The following FSHR variants were observed in gnomAD, a reference collection of about 807,000 sequenced individuals.
FSHR encodes follicle stimulating hormone receptor, also known as follicle-stimulating hormone receptor.
Under a neutral mutation model 52.1 loss-of-function variants are expected in FSHR, and 46 were observed. The observed-to-expected ratio is 0.88, with a 90% CI of 0.70 to 1.13. FSHR has a LOEUF of 1.13. Ranked by LOEUF, FSHR falls within the 50% of genes most tolerant of loss-of-function variation. FSHR has a pLI of 0.00. For synonymous variants in FSHR, 399 were observed against 309.6 expected (o/e 1.29, Z -3.03); for missense variants, 964 against 834.6 (o/e 1.16, Z -1.91).
At chr2:49,091,691 T>G (rs185387826) in intron 1 of FSHR, among the ~76,000 whole-genome samples, 1 of 152,240 alleles carries the variant, frequency 6.6e-6, no homozygotes, top group African/African-American at 2.4e-5. Context: ...TGTCAAAAAT[T>G]AATTAGCTAT....
intron 2 of FSHR, among the ~76,000 whole-genome samples, chr2:49,046,456 T>C (rs1283956723): frequency 6.6e-6 from 1 of 152,228 alleles, no homozygotes; most frequent in Non-Finnish European, 1.5e-5. Context: ...GCAAGTCACA[T>C]AACCACTTTG....
chr2:49,034,363 G>C (rs978847469), intron 2 of FSHR, among the ~76,000 whole-genome samples: 3 of 152,180 alleles, frequency 2.0e-5, no homozygotes, highest in African/African-American at 4.8e-5. Flanking sequence ...GATCAGCAAA[G>C]AATGTGGTTA....
intron 1 of FSHR, among the ~76,000 whole-genome samples, chr2:49,125,332 C>CA (rs1350001748): frequency 6.6e-6 from 1 of 151,890 alleles, no homozygotes; most frequent in Non-Finnish European, 1.5e-5. Context: ...AAAAAAATCA[C>CA]AAAAAAATCT....
rs763262835 is a variant in FSHR at position 48,963,776 on chromosome 2, T to A, written c.1045A>T (p.Lys349Ter). 1 of 1,614,132 alleles carries A rather than the reference T, an allele frequency of 6.2e-7. No homozygotes were observed. The change falls in exon 10 of 10, where the codon AAG becomes TAG. Residue 349 changes from lysine to a stop codon, truncating the protein, a stop_gained. Coordinates refer to ENST00000406846, the MANE Select transcript of FSHR (RefSeq NM_000145.4). LOFTEE classifies it high-confidence loss of function. ...TCACATGGGTTGAATGCATCTGGCT[T>A]AGGGGAGCAGGTCACGTCAACCACT... ...NEVVDVTCSP[K>*]PDAFNPCEDI...
chr2:49,113,489 C>T lies in FSHR; in HGVS notation c.152+40777G>A, dbSNP rs76989051. ...CTAGGAAGCTGTGCATTTGCACAGT[C>T]AAGAAGAGAGCTAAGGTTAGCTCAG... On this transcript the variant is annotated intron_variant, in intron 1 of 9. Transcript: ENST00000406846. Among the ~76,000 whole-genome samples, 649 of 152,288 alleles carry T rather than the reference C, an allele frequency of 4.3e-3. 3 individuals are homozygous for T. The highest frequency in any genetic ancestry group is 0.014 in the African/African-American group (592 of 41,546).
intron 2 of FSHR, among the ~76,000 whole-genome samples, chr2:49,042,265 A>G (rs1272383234): frequency 1.3e-5 from 2 of 152,182 alleles, no homozygotes; most frequent in Non-Finnish European, 2.9e-5. Context: ...TAGTTCTGGG[A>G]CATTAAACCT....
intron 2 of FSHR, among the ~76,000 whole-genome samples, chr2:49,024,041 A>T (rs1008259070): frequency 6.6e-6 from 1 of 152,154 alleles, no homozygotes; most frequent in Admixed American, 6.5e-5. Flanking sequence ...TTACAGAGTC[A>T]TATTAATTTG....
At chr2:49,113,965 T>A (rs2103760553) in intron 1 of FSHR, among the ~76,000 whole-genome samples, 1 of 152,270 alleles carries the variant, frequency 6.6e-6, no homozygotes, top group South Asian at 2.1e-4. Context: ...CATGGAATAA[T>A]CAAGGCTTAG....
chr2:49,018,050 A>T (rs1363537553), intron 3 of FSHR, among the ~76,000 whole-genome samples: 8 of 152,206 alleles, frequency 5.3e-5, no homozygotes, highest in African/African-American at 1.9e-4. Context: ...GGAAGGAAAA[A>T]GTGAGGGGCA....
chr2:49,154,301 C>A lies in FSHR; in HGVS notation c.117G>T (p.Glu39Asp). 9 of 1,613,938 alleles carry A rather than the reference C, an allele frequency of 5.6e-6. No individual in the cohort carries two copies. The highest frequency in any genetic ancestry group is 7.6e-6 in the Non-Finnish European group (9 of 1,179,920). ...VFLCQESKVT[E>D]IPSDLPRNAI... ...CATTCCTCGGGAGGTCAGAAGGAAT[C>A]TCTGTCACCTTGCTCTCTTGGCAGA... The change falls in exon 1 of 10, where the codon GAG (glutamate) becomes GAT (aspartate). Residue 39 changes from glutamate (E) to aspartate (D), a missense_variant. By Grantham distance (45) the Glu-to-Asp change is conservative (BLOSUM62 2). Transcript: ENST00000406846.
intron 1 of FSHR, among the ~76,000 whole-genome samples, chr2:49,076,936 G>C (rs973532637): frequency 2.6e-5 from 4 of 152,098 alleles, no homozygotes; most frequent in Admixed American, 1.3e-4. Context: ...CATGATCTTG[G>C]GCAGCTCTGC....
chr2:48,993,221 C>T (rs1191952589), intron 4 of FSHR, among the ~76,000 whole-genome samples: 11 of 152,120 alleles, frequency 7.2e-5, no homozygotes. Flanking sequence ...TGTCTGACTT[C>T]ACTAGTCTAT....
chr2:49,094,602 A>T (rs1316220746), intron 1 of FSHR, among the ~76,000 whole-genome samples: 1 of 152,146 alleles, frequency 6.6e-6, no homozygotes, highest in Non-Finnish European at 1.5e-5. Flanking sequence ...TTCATTTAGA[A>T]CTTTAAAATG....
At chr2:49,149,819 G>A (rs74585829) in intron 1 of FSHR, among the ~76,000 whole-genome samples, 2,393 of 152,112 alleles carry the variant, frequency 0.016, 30 homozygotes, top group Non-Finnish European at 0.023. Flanking sequence ...ATAATTAGAA[G>A]TAAATGCTAG....
At chr2:49,024,222 A>G (rs568005395) in intron 2 of FSHR, among the ~76,000 whole-genome samples, 16 of 152,126 alleles carry the variant, frequency 1.1e-4, no homozygotes, top group South Asian at 2.1e-4. Context: ...ATGTATACCT[A>G]TGTAATAAAC....
intron 1 of FSHR, among the ~76,000 whole-genome samples, chr2:49,146,633 G>A (rs1328874260): frequency 1.3e-5 from 2 of 152,018 alleles, no homozygotes; most frequent in Non-Finnish European, 2.9e-5. Flanking sequence ...GGATTACACA[G>A]CTGCTGGAAT....
At chr2:49,145,470 G>T (rs988666660) in intron 1 of FSHR, among the ~76,000 whole-genome samples, 1 of 151,986 alleles carries the variant, frequency 6.6e-6, no homozygotes, top group African/African-American at 2.4e-5. Context: ...TGGTCAAGAA[G>T]GCAAATCTAG....
intron 4 of FSHR, among the ~76,000 whole-genome samples, chr2:49,011,927 G>C (rs1271984637): frequency 6.6e-6 from 1 of 152,084 alleles, no homozygotes; most frequent in Non-Finnish European, 1.5e-5. Flanking sequence ...AAGAGAGAGA[G>C]GGACTTAGCT....
intron 4 of FSHR, among the ~76,000 whole-genome samples, chr2:49,015,674 G>A (rs1667461751): frequency 6.6e-6 from 1 of 152,160 alleles, no homozygotes; most frequent in Non-Finnish European, 1.5e-5. Context: ...AGAGAGCATA[G>A]CAAAGATTCC....
Sources: allele counts gnomAD v4.1 joint callset (sites outside exome capture counted in the v4.1 genomes callset), GRCh38; gene constraint gnomAD v4.1.1; transcripts MANE v1.5; gene names NCBI Gene and HGNC (gene_info 2026-07-23, HGNC 2026-07-21).